MTMR14: variants seen among roughly 807,000 people sequenced by gnomAD.
MTMR14 encodes the protein phosphatidylinositol-3,5-bisphosphate 3-phosphatase MTMR14.
A neutral mutation model predicts 86.3 loss-of-function variants in MTMR14; 48 were observed. The ratio of observed to expected loss-of-function variants is 0.56; its 90% CI spans 0.44 to 0.71. The LOEUF is 0.71. Among genes scored for constraint, MTMR14 ranks in the 30% least tolerant of loss-of-function variants. The probability of loss-of-function intolerance (pLI) is 0.00; values close to 1 mark genes in which losing one functional copy is unlikely to be tolerated. For missense variants in MTMR14, 780 were observed against 834.6 expected (o/e 0.93, Z 0.81); for synonymous variants, 366 against 326.1 (o/e 1.12, Z -1.32).
chr3:9,668,619 G>C (rs1186985847), intron 3 of MTMR14, 100 bp from the exon 4 acceptor site: 6 of 1,294,770 alleles, frequency 4.6e-6, no homozygotes, highest in African/African-American at 1.5e-5. Context: ...TCCTGGGCCC[G>C]TTATGCTGGC....
chr3:9,687,717 C>T (rs1196326964), intron 13 of MTMR14, 104 bp from the exon 14 acceptor site: 3 of 891,440 alleles, frequency 3.4e-6, no homozygotes, highest in Non-Finnish European at 5.4e-6. Flanking sequence ...CACAGCAGGG[C>T]CGCTCTCCAG....
intron 2 of MTMR14, 102 bp from the exon 3 acceptor site, chr3:9,662,165 T>G: frequency 1.2e-6 from 1 of 807,252 alleles, no homozygotes; most frequent in East Asian, 2.5e-5. Context: ...AAGCAAGCAT[T>G]ATGTACACAG....
Position 9,684,974 on chromosome 3 carries a change from T to C in MTMR14, c.1127+10T>C, listed in dbSNP as rs2075889973. On this transcript the variant is annotated intron_variant, in intron 12 of 18. Coordinates refer to ENST00000296003, the MANE Select transcript of MTMR14 (RefSeq NM_001077525.3). ...ACTGGTTCCTCTTCGGGTAAGCCTT[T>C]GCAGGAGTTGGGTTTTGGGGCCTTA... 1 of 1,613,798 alleles carries C rather than the reference T, an allele frequency of 6.2e-7. No individual in the cohort carries two copies. The highest frequency in any genetic ancestry group is 1.1e-5 in the South Asian group (1 of 91,088).
In MTMR14 at chr3:9,686,045, G is replaced by A. The variant is rs572956219; in HGVS notation, c.1164+798G>A. Among the ~76,000 whole-genome samples, 5 of 152,276 alleles carry A rather than the reference G, an allele frequency of 3.3e-5. No homozygotes were observed. In the South Asian group the frequency reaches 1.0e-3, roughly 32 times the overall value. On this transcript the variant is annotated intron_variant, in intron 13 of 18. Transcript: ENST00000296003. Reference sequence around the variant, plus strand: ...GCCCCCACTCCCCCATTTTCCCAAAGTGTGTTTCTCATCTTTCTCACCCTC... The same window carrying A: ...GCCCCCACTCCCCCATTTTCCCAAAATGTGTTTCTCATCTTTCTCACCCTC...
intron 2 of MTMR14, among the ~76,000 whole-genome samples, chr3:9,656,458 G>A (rs2047613483): frequency 6.6e-6 from 1 of 150,614 alleles, no homozygotes; most frequent in African/African-American, 2.5e-5. Context: ...ATCTTGCTCT[G>A]TTGCCCAGGC....
chr3:9,688,903 G>A (rs1193464792), intron 15 of MTMR14, 41 bp from the exon 16 acceptor site: 2 of 1,613,704 alleles, frequency 1.2e-6, no homozygotes, highest in Non-Finnish European at 1.7e-6. Context: ...CCAGTAGTGG[G>A]AGAAGGTAAC....
At chr3:9,672,843 G>T in intron 7 of MTMR14, 85 bp downstream of exon 7, 1 of 1,289,084 alleles carries the variant, frequency 7.8e-7, no homozygotes. Flanking sequence ...TAGTTACACT[G>T]GCGCCCTGGG....
rs746745344 is a variant in MTMR14 at position 9,687,854 on chromosome 3, A to G, written c.1198A>G (p.Ile400Val). 1.9e-6 allele frequency: 3 copies of G among 1,587,334 alleles called. No homozygotes were observed. The highest frequency in any genetic ancestry group is 2.3e-5 in the South Asian group (2 of 87,898). The change falls in exon 14 of 19, where the codon ATT becomes GTT. Residue 400 changes from isoleucine (I) to valine (V), a missense_variant. Ile to Val is a conservative substitution (Grantham distance 29, BLOSUM62 3). Coordinates refer to ENST00000296003, the MANE Select transcript of MTMR14 (RefSeq NM_001077525.3). The stretch of plus-strand genomic sequence containing the variant: ...CTTCTGCTTCAATTTTTTGAAGCAT[A>G]TTACCTCCGAGGAGTTCTCTGCTCT... ...FFFCFNFLKHITSEEFSALKT... is the reference protein window; with the variant it reads ...FFFCFNFLKHVTSEEFSALKT...
At chr3:9,686,118 T>C (rs1035545117) in intron 13 of MTMR14, among the ~76,000 whole-genome samples, 3 of 152,184 alleles carry the variant, frequency 2.0e-5, no homozygotes, top group Admixed American at 1.3e-4. Flanking sequence ...CTCCTCCTTT[T>C]GTTCCTCCGT....
chr3:9,693,157 A>G (rs376110398), intron 17 of MTMR14, among the ~76,000 whole-genome samples: 1 of 152,240 alleles, frequency 6.6e-6, no homozygotes, highest in Non-Finnish European at 1.5e-5. Context: ...AAACACATTT[A>G]CAGTCAGCCC....
chr3:9,665,824 G>C (rs2048220204), intron 3 of MTMR14, among the ~76,000 whole-genome samples: 1 of 151,450 alleles, frequency 6.6e-6, no homozygotes, highest in African/African-American at 2.4e-5. Flanking sequence ...CGCCTCCCGG[G>C]TTCATGCCAT....
chr3:9,695,781 C>G (rs1331489996), intron 17 of MTMR14, among the ~76,000 whole-genome samples: 1 of 152,194 alleles, frequency 6.6e-6, no homozygotes, highest in Admixed American at 6.5e-5. Context: ...GCTGCTAGAA[C>G]TGGAAAAGAT....
intron 2 of MTMR14, among the ~76,000 whole-genome samples, chr3:9,660,874 A>G (rs1395188494): frequency 6.6e-6 from 1 of 152,168 alleles, no homozygotes; most frequent in African/African-American, 2.4e-5. Flanking sequence ...TTCCTGCTCT[A>G]ACTTTCCTGC....
chr3:9,663,476 TTTTTTTTTGAGATGGAGTCTCTCTC>T (rs2048056793), intron 3 of MTMR14, among the ~76,000 whole-genome samples: 1 of 151,742 alleles, frequency 6.6e-6, no homozygotes, highest in Admixed American at 6.6e-5. Flanking sequence ...TTGCAACTTT[TTTTTTTTTGAGATGGAGTCTCTCTC>T]TTTTTTTTTT....
rs202121982 is a variant in MTMR14, at chr3:9,701,948, G to A, written c.1928G>A (p.Arg643Gln). Residue 643 changes from arginine (R) to glutamine (Q), a missense_variant, in exon 19 of 19, where the codon CGG becomes CAG. Physicochemically the swap from Arg to Gln is conservative, Grantham distance 43. Transcript: ENST00000296003. The surrounding 1 kb of genome is among the most constrained non-coding windows in gnomAD (Gnocchi z 4.2). ...LEQFARGVGLRSISSNAL is the reference protein window; with the variant it reads ...LEQFARGVGLQSISSNAL ...CAATTTGCCCGTGGTGTTGGACTCC[G>A]GAGCATCAGCAGCAATGCCTTGTGA... is the stretch of plus-strand genomic sequence containing the variant. 2.9e-4 allele frequency: 464 copies of A among 1,614,078 alleles called. 4 individuals carry two copies. Among genetic ancestry groups the A allele is most frequent in the Middle Eastern group, 3.3e-4 (2 of 6,066 alleles).
Position 9,690,139 on chromosome 3 carries a change from C to T in MTMR14, c.1609C>T (p.Pro537Ser), listed in dbSNP as rs2076093679. The T allele has an allele frequency of 6.2e-7, 1 of 1,613,682 alleles. No individual in the cohort carries two copies. The highest frequency in any genetic ancestry group is 8.5e-7 in the Non-Finnish European group (1 of 1,180,004). ...MGSSPLEVPK[P>S]RSVDHPLPGS... The stretch of plus-strand genomic sequence containing the variant: ...TAGCAGTCCCCTGGAGGTCCCCAAA[C>T]CCAGGTGAGGAGCTCCAAAGCCCTT... The change falls in exon 17 of 19, where the codon CCC becomes TCC. Residue 537 changes from proline (P) to serine (S), a missense_variant. By Grantham distance (74) the Pro-to-Ser change is moderately conservative. Transcript: ENST00000296003.
At chr3:9,680,248 T>TA (rs2075716940) in intron 9 of MTMR14, among the ~76,000 whole-genome samples, 1 of 152,158 alleles carries the variant, frequency 6.6e-6, no homozygotes, top group Non-Finnish European at 1.5e-5. Context: ...ATCGGTTCTC[T>TA]AGTCTCTGCC....
chr3:9,687,284 G>A (rs973321522), intron 13 of MTMR14, among the ~76,000 whole-genome samples: 2 of 152,166 alleles, frequency 1.3e-5, no homozygotes, highest in Non-Finnish European at 2.9e-5. Flanking sequence ...GGCTGGGCAC[G>A]GTGGTTGACG....
At chr3:9,685,318 G>C (rs787836) in intron 13 of MTMR14, 71 bp downstream of exon 13, 280,402 of 1,580,900 alleles carry the variant, frequency 0.18, 26,461 homozygotes, top group East Asian at 0.38. Flanking sequence ...GCCTGTCTGA[G>C]TTCCACGTGT....
Sources: allele counts gnomAD v4.1 joint callset (sites outside exome capture counted in the v4.1 genomes callset), GRCh38; gene constraint gnomAD v4.1.1; non-coding constraint Gnocchi (gnomAD v3.1); transcripts MANE v1.5; gene names NCBI Gene and HGNC (gene_info 2026-07-23, HGNC 2026-07-21).